The following ABCC4 variants were observed in gnomAD, a reference collection of about 807,000 sequenced individuals.
ABCC4 encodes ATP-binding cassette sub-family C member 4.
ABCC4 carries 102 observed loss-of-function variants against 168.5 expected under a neutral mutation model. That is an observed-to-expected ratio of 0.61 (90% CI 0.52 to 0.71). The LOEUF is 0.71. Ranked by LOEUF, ABCC4 falls within the 30% of genes least tolerant of loss-of-function variation. The pLI, the probability that ABCC4 is intolerant of heterozygous loss-of-function variation, is 0.00. For synonymous variants in ABCC4, 617 were observed against 590.7 expected, an observed-to-expected ratio of 1.04 and a Z score of -0.65; for missense variants, 1,402 against 1,605.8, an observed-to-expected ratio of 0.87 and a Z score of 2.17.
chr13:95,044,538 G>T, intron 27 of ABCC4, 100 bp from the exon 28 acceptor site: 2 of 1,063,044 alleles, frequency 1.9e-6, no homozygotes, highest in Non-Finnish European at 1.3e-6. Context: ...TCTCTCGAGA[G>T]ATATAACTTA....
At chr13:95,294,849 G>A (rs2138962480) in intron 1 of ABCC4, among the ~76,000 whole-genome samples, 1 of 152,188 alleles carries the variant, frequency 6.6e-6, no homozygotes, top group South Asian at 2.1e-4. Context: ...AGCTATTTGG[G>A]AGGCTGAGAC....
At chr13:95,085,145 A>G (rs1288650551) in intron 20 of ABCC4, among the ~76,000 whole-genome samples, 2 of 152,160 alleles carry the variant, frequency 1.3e-5, no homozygotes, top group Non-Finnish European at 2.9e-5. Flanking sequence ...GTGCTATAGA[A>G]ATATAAGGAG....
chr13:95,202,150 G>A (rs2038645336), intron 8 of ABCC4, among the ~76,000 whole-genome samples: 1 of 152,208 alleles, frequency 6.6e-6, no homozygotes, highest in Admixed American at 6.5e-5. Flanking sequence ...CATCCAATCA[G>A]TTGAAGGCAT....
At chr13:95,148,591 A>AACACACACACACACACACACACAC (rs55998383) in intron 19 of ABCC4, among the ~76,000 whole-genome samples, 1 of 129,708 alleles carries the variant, frequency 7.7e-6, no homozygotes, top group Admixed American at 7.9e-5. Context: ...TACCCATCAC[A>AACACACACACACACACACACACAC]ACACACACAC....
chr13:95,164,284 G>T, intron 16 of ABCC4, 94 bp downstream of exon 16: 1 of 1,473,444 alleles, frequency 6.8e-7, no homozygotes, highest in Non-Finnish European at 9.3e-7. Flanking sequence ...TTTCAATTCA[G>T]ACCCCAAGTG....
intron 19 of ABCC4, among the ~76,000 whole-genome samples, chr13:95,132,170 T>C (rs535236415): frequency 6.6e-6 from 1 of 152,258 alleles, no homozygotes; most frequent in Admixed American, 6.5e-5. Context: ...AATGCTCAAG[T>C]CCATTTGCAT....
intron 1 of ABCC4, among the ~76,000 whole-genome samples, chr13:95,290,175 C>T (rs1269643293): frequency 6.6e-6 from 1 of 151,368 alleles, no homozygotes; most frequent in African/African-American, 2.4e-5. Context: ...GCGTGGATCC[C>T]ACCCCCAGAA....
At chr13:95,029,245 G>A (rs1364411498) in intron 30 of ABCC4, among the ~76,000 whole-genome samples, 2 of 5,446 alleles carry the variant, frequency 3.7e-4, no homozygotes, top group Admixed American at 5.6e-3. Flanking sequence ...GAGAGAGAGA[G>A]AGAGAGAGAA....
chr13:95,256,542 G>C (rs185725961), intron 1 of ABCC4, among the ~76,000 whole-genome samples: 1 of 152,140 alleles, frequency 6.6e-6, no homozygotes, highest in African/African-American at 2.4e-5. Context: ...GATTGCTTGA[G>C]CCCAGTAGTT....
chr13:95,055,872 G>A (rs142628571), intron 26 of ABCC4: 1 of 151,542 alleles, frequency 6.6e-6, no homozygotes, highest in African/African-American at 2.4e-5. Context: ...GACAGAGCAA[G>A]ACTGTCTCAA....
intron 8 of ABCC4, among the ~76,000 whole-genome samples, chr13:95,200,087 T>C (rs2038580740): frequency 6.6e-6 from 1 of 152,116 alleles, no homozygotes; most frequent in Admixed American, 6.5e-5. Flanking sequence ...AACCCCCACT[T>C]GATGATTCCC....
chr13:95,157,058 C>T (rs906746334), intron 19 of ABCC4, among the ~76,000 whole-genome samples: 2 of 150,724 alleles, frequency 1.3e-5, no homozygotes, highest in South Asian at 4.2e-4. Context: ...CGCCACTGCA[C>T]TCCAGCCTGG....
intron 19 of ABCC4, among the ~76,000 whole-genome samples, chr13:95,127,372 G>A (rs566584162): frequency 1.1e-4 from 16 of 152,024 alleles, no homozygotes; most frequent in Non-Finnish European, 1.9e-4. Context: ...TGCAACCTCC[G>A]CCTCCTGGGT....
At chr13:95,182,783 G>A (rs934191039) in intron 11 of ABCC4, among the ~76,000 whole-genome samples, 4 of 152,150 alleles carry the variant, frequency 2.6e-5, no homozygotes, top group African/African-American at 7.2e-5. Flanking sequence ...TCCCAGAGCT[G>A]TCTGACCCCA....
intron 19 of ABCC4, among the ~76,000 whole-genome samples, chr13:95,157,088 C>CCA (rs67671921): frequency 0.08 from 10,734 of 134,582 alleles, 436 homozygotes; most frequent in African/African-American, 0.1. Flanking sequence ...TGAGACTCTA[C>CCA]CACACACACA....
intron 1 of ABCC4, among the ~76,000 whole-genome samples, chr13:95,294,574 G>A (rs573446269): frequency 1.7e-3 from 260 of 152,288 alleles, no homozygotes; most frequent in Admixed American, 3.6e-3. Flanking sequence ...TGTTCCAGTC[G>A]TGGAAGCGAG....
chr13:95,244,569 C>CA (rs1473009832), intron 3 of ABCC4, among the ~76,000 whole-genome samples: 1 of 86,206 alleles, frequency 1.2e-5, no homozygotes, highest in Non-Finnish European at 2.0e-5. Flanking sequence ...GACCCTATCT[C>CA]AAAAAACAAA....
chr13:95,172,389 G>A (rs371443339), intron 13 of ABCC4, among the ~76,000 whole-genome samples: 1 of 151,874 alleles, frequency 6.6e-6, no homozygotes. Flanking sequence ...CAAGCAACAC[G>A]GTGAAATCCC....
intron 9 of ABCC4, among the ~76,000 whole-genome samples, chr13:95,191,530 A>G (rs1232746238): frequency 1.3e-5 from 2 of 152,198 alleles, no homozygotes; most frequent in African/African-American, 4.8e-5. Context: ...ACGTTAAACA[A>G]AATGTGACAT....
Sources: gnomAD v4.1 joint callset for allele counts (sites outside exome capture counted in the v4.1 genomes callset) on GRCh38, gnomAD v4.1.1 for gene constraint, MANE v1.5 for transcripts, NCBI Gene and HGNC (gene_info 2026-07-23, HGNC 2026-07-21) for gene names.